SORCS2: variants seen among roughly 807,000 people sequenced by gnomAD.
SORCS2 encodes the protein sortilin related VPS10 domain containing receptor 2, also known as VPS10 domain-containing receptor SorCS2.
In SORCS2, 100 loss-of-function variants were observed where a neutral mutation model predicts 141.6. The observed-to-expected ratio is 0.71, with a 90% CI of 0.60 to 0.83. SORCS2 has a LOEUF of 0.83. SORCS2 is among the 40% of genes least tolerant of loss of function. SORCS2 has a pLI of 0.00. For missense variants in SORCS2, 1,646 were observed against 1,560.2 expected, an observed-to-expected ratio of 1.05 and a Z score of -0.93; for synonymous variants, 789 against 676.9, an observed-to-expected ratio of 1.17 and a Z score of -2.57.
intron 3 of SORCS2, among the ~76,000 whole-genome samples, chr4:7,590,579 C>G (rs1446737348): frequency 6.6e-6 from 1 of 152,176 alleles, no homozygotes; most frequent in Admixed American, 6.5e-5. Flanking sequence ...CTCAAAGGTT[C>G]TGTGGGTGAG....
intron 1 of SORCS2, among the ~76,000 whole-genome samples, chr4:7,348,775 A>C (rs1202270804): frequency 6.6e-6 from 1 of 151,744 alleles, no homozygotes; most frequent in Non-Finnish European, 1.5e-5. Flanking sequence ...CTGGTCTTGA[A>C]CTCCTGACCT....
intron 4 of SORCS2, among the ~76,000 whole-genome samples, chr4:7,650,158 C>T (rs573437487): frequency 6.6e-6 from 1 of 152,306 alleles, no homozygotes; most frequent in African/African-American, 2.4e-5. Flanking sequence ...ACAGATAATT[C>T]AAGTGCAGGT....
intron 1 of SORCS2, among the ~76,000 whole-genome samples, chr4:7,237,604 C>G (rs4689664): frequency 0.28 from 42,456 of 151,946 alleles, 6,258 homozygotes; most frequent in East Asian, 0.46. Context: ...ATTGAGCTTG[C>G]TGCAACGGGT....
chr4:7,312,640 G>T (rs2108925128), intron 1 of SORCS2, among the ~76,000 whole-genome samples: 1 of 152,228 alleles, frequency 6.6e-6, no homozygotes, highest in African/African-American at 2.4e-5. Flanking sequence ...GTGGACATTT[G>T]TGGAGCCAGG....
chr4:7,403,983 ATATATATATATATATTTT>A (rs1417354755), intron 2 of SORCS2, among the ~76,000 whole-genome samples: 7 of 20,232 alleles, frequency 3.5e-4, no homozygotes, highest in African/African-American at 8.9e-4. Context: ...ATATATATAT[ATATATATATATATATTTT>A]TTTTTTTTTT....
At chr4:7,694,417 T>G (rs1359769246) in intron 11 of SORCS2, among the ~76,000 whole-genome samples, 3 of 152,184 alleles carry the variant, frequency 2.0e-5, no homozygotes, top group Admixed American at 2.0e-4. Flanking sequence ...GAATCGCTCC[T>G]TCTTTCCCCC....
chr4:7,579,081 CCT>C (rs1715967638), intron 3 of SORCS2, among the ~76,000 whole-genome samples: 1 of 152,062 alleles, frequency 6.6e-6, no homozygotes, highest in Non-Finnish European at 1.5e-5. Context: ...GCCCACATGT[CCT>C]CTCTCTAGCT....
At chr4:7,578,654 C>G (rs1044090453) in intron 3 of SORCS2, among the ~76,000 whole-genome samples, 3 of 152,230 alleles carry the variant, frequency 2.0e-5, no homozygotes, top group Non-Finnish European at 2.9e-5. Flanking sequence ...AGTGCCTGCG[C>G]AGCTGGGGCA....
At chr4:7,456,337 G>A (rs1010368235) in intron 2 of SORCS2, among the ~76,000 whole-genome samples, 1 of 152,004 alleles carries the variant, frequency 6.6e-6, no homozygotes, top group African/African-American at 2.4e-5. Flanking sequence ...ATGAAATTAT[G>A]CGAATGAGGC....
intron 1 of SORCS2, among the ~76,000 whole-genome samples, chr4:7,251,458 C>T (rs1221414822): frequency 6.6e-6 from 1 of 152,178 alleles, no homozygotes; most frequent in Non-Finnish European, 1.5e-5. Context: ...TTGTAGTGTA[C>T]AGGAGGGCTC....
chr4:7,463,780 A>G (rs137980880), intron 2 of SORCS2, among the ~76,000 whole-genome samples: 2 of 152,312 alleles, frequency 1.3e-5, no homozygotes, highest in East Asian at 3.9e-4. Flanking sequence ...GGCCCTGATT[A>G]GTGTTTCAGC....
At chr4:7,508,617 C>T (rs1732419683) in intron 2 of SORCS2, among the ~76,000 whole-genome samples, 1 of 152,250 alleles carries the variant, frequency 6.6e-6, no homozygotes, top group Non-Finnish European at 1.5e-5. Context: ...GGATTACAGG[C>T]ACGAGCCACC....
intron 10 of SORCS2, among the ~76,000 whole-genome samples, chr4:7,686,574 C>T (rs944035141): frequency 4.6e-5 from 7 of 152,224 alleles, no homozygotes; most frequent in African/African-American, 1.4e-4. Context: ...CAGCCTGCCC[C>T]GGGGTTCTCC....
At chr4:7,734,661 A>G (rs1398236531) in intron 25 of SORCS2, among the ~76,000 whole-genome samples, 3 of 151,962 alleles carry the variant, frequency 2.0e-5, no homozygotes, top group African/African-American at 7.3e-5. Flanking sequence ...AGCCCCACCC[A>G]CCTCACAGGG....
At chr4:7,372,593 C>T (rs1405090774) in intron 1 of SORCS2, among the ~76,000 whole-genome samples, 1 of 152,192 alleles carries the variant, frequency 6.6e-6, no homozygotes, top group Non-Finnish European at 1.5e-5. Context: ...CAGGCGTGAG[C>T]CACTGCGCCC....
intron 1 of SORCS2, among the ~76,000 whole-genome samples, chr4:7,279,287 C>T (rs1715709280): frequency 6.6e-6 from 1 of 152,178 alleles, no homozygotes; most frequent in African/African-American, 2.4e-5. Context: ...GAGCTAGGGA[C>T]AGGCTTAGCA....
At chr4:7,434,241 A>G (rs199742033) in intron 2 of SORCS2, 24 of 1,613,464 alleles carry the variant, frequency 1.5e-5, no homozygotes, top group Middle Eastern at 3.3e-4. Context: ...CCAAGGACTC[A>G]CACTGCTCCT....
At chr4:7,285,133 A>G (rs1377330277) in intron 1 of SORCS2, among the ~76,000 whole-genome samples, 1 of 151,802 alleles carries the variant, frequency 6.6e-6, no homozygotes, top group Non-Finnish European at 1.5e-5. Flanking sequence ...CCTGGGTTCA[A>G]ACGATTCTCG....
Position 7,638,412 on chromosome 4 carries a change from C to T in SORCS2, c.733C>T (p.Pro245Ser), listed in dbSNP as rs1380928134. 4 of 1,599,938 alleles carry T rather than the reference C, an allele frequency of 2.5e-6. 1 individual carries two copies. In the South Asian group the frequency reaches 4.5e-5, roughly 18 times the overall value. Residue 245 changes from proline (P) to serine (S), a missense_variant, in exon 4 of 27, where the codon CCC becomes TCC. By Grantham distance (74) the Pro-to-Ser change is moderately conservative (BLOSUM62 -1). Transcript: ENST00000507866. ...ADEGATFQKQ[P>S]IPFFVETLIF... ...CGAAGGCGCCACCTTTCAGAAGCAGCCCATTCCCTTCTTCGTGGAAACTCT... is the reference window on the plus strand; with the variant it reads ...CGAAGGCGCCACCTTTCAGAAGCAGTCCATTCCCTTCTTCGTGGAAACTCT...
Sources: allele counts gnomAD v4.1 joint callset (sites outside exome capture counted in the v4.1 genomes callset), GRCh38; gene constraint gnomAD v4.1.1; transcripts MANE v1.5; gene names NCBI Gene and HGNC (gene_info 2026-07-23, HGNC 2026-07-21).